The following PTPRD variants were observed in gnomAD, a reference collection of about 807,000 sequenced individuals.
PTPRD encodes protein tyrosine phosphatase receptor type D.
Under a neutral mutation model 214.5 loss-of-function variants are expected in PTPRD, and 34 were observed. The observed-to-expected ratio is 0.16, with a 90% confidence interval of 0.12 to 0.21. PTPRD has a LOEUF of 0.21. Ranked by LOEUF, PTPRD falls within the 10% of genes least tolerant of loss-of-function variation. PTPRD has a pLI of 1.00. For synonymous variants in PTPRD, 1,128 were observed against 845.7 expected, an observed-to-expected ratio of 1.33 and a Z score of -5.79; for missense variants, 2,545 against 2,398.7, an observed-to-expected ratio of 1.06 and a Z score of -1.27.
At chr9:10,534,525 A>C (rs2057281842) in intron 2 of PTPRD, among the ~76,000 whole-genome samples, 1 of 152,104 alleles carries the variant, frequency 6.6e-6, no homozygotes, top group Non-Finnish European at 1.5e-5. Flanking sequence ...AGGTATTTTT[A>C]TAGCCCATTA....
intron 7 of PTPRD, among the ~76,000 whole-genome samples, chr9:9,727,356 A>G (rs1468179688): frequency 1.3e-5 from 2 of 152,096 alleles, no homozygotes; most frequent in South Asian, 2.1e-4. Flanking sequence ...AAGTTGAGGC[A>G]GGAGGATCAC....
intron 30 of PTPRD, among the ~76,000 whole-genome samples, chr9:8,479,980 T>C (rs1411853322): frequency 6.6e-6 from 1 of 152,212 alleles, no homozygotes; most frequent in East Asian, 1.9e-4. Context: ...CAAATTGGGC[T>C]AAAACTTGAT....
At chr9:10,403,227 A>AATAAATATATATAT (rs2098301816) in intron 2 of PTPRD, among the ~76,000 whole-genome samples, 1 of 59,882 alleles carries the variant, frequency 1.7e-5, no homozygotes, top group Non-Finnish European at 3.5e-5. Context: ...TGTGTGTGTA[A>AATAAATATATATAT]ATATATATAT....
intron 9 of PTPRD, among the ~76,000 whole-genome samples, chr9:9,195,304 T>A: frequency 6.6e-6 from 1 of 152,010 alleles, no homozygotes; most frequent in Middle Eastern, 3.2e-3. Context: ...TGAAAACATA[T>A]GTTTGGAAAA....
chr9:9,761,816 T>G (rs2098659926), intron 6 of PTPRD, among the ~76,000 whole-genome samples: 1 of 152,148 alleles, frequency 6.6e-6, no homozygotes, highest in Non-Finnish European at 1.5e-5. Context: ...CTGAACAGAA[T>G]TAGTCCCAAT....
chr9:10,473,704 T>G (rs950415149), intron 2 of PTPRD, among the ~76,000 whole-genome samples: 1 of 152,054 alleles, frequency 6.6e-6, no homozygotes, highest in Non-Finnish European at 1.5e-5. Flanking sequence ...AATAAATAAA[T>G]GAAAGTGTTC....
chr9:9,664,449 C>A (rs903375296), intron 7 of PTPRD, among the ~76,000 whole-genome samples: 7 of 151,558 alleles, frequency 4.6e-5, no homozygotes, highest in East Asian at 1.9e-4. Flanking sequence ...CGTAAGAAAC[C>A]AGATCTGACA....
intron 3 of PTPRD, among the ~76,000 whole-genome samples, chr9:10,238,109 G>T (rs1213581621): frequency 2.0e-5 from 3 of 151,308 alleles, no homozygotes; most frequent in Non-Finnish European, 4.4e-5. Flanking sequence ...CTTCACATGA[G>T]AGAAAGAGTT....
intron 3 of PTPRD, among the ~76,000 whole-genome samples, chr9:10,278,753 G>A (rs183471002): frequency 9.1e-4 from 137 of 150,992 alleles, no homozygotes; most frequent in African/African-American, 3.1e-3. Flanking sequence ...CTTCATGTGT[G>A]GTAAAAGGTT....
At chr9:8,468,089 G>A (rs1306073873) in intron 31 of PTPRD, among the ~76,000 whole-genome samples, 1 of 151,944 alleles carries the variant, frequency 6.6e-6, no homozygotes, top group Non-Finnish European at 1.5e-5. Context: ...TTCTGCTAGG[G>A]TTTCTTTAGA....
chr9:10,489,062 C>T (rs1340219660), intron 2 of PTPRD, among the ~76,000 whole-genome samples: 9 of 152,138 alleles, frequency 5.9e-5, no homozygotes, highest in Non-Finnish European at 5.9e-5. Context: ...TGGGAACGTG[C>T]TGAGCCTCAC....
At chr9:8,535,082 T>C (rs1203436147) in intron 14 of PTPRD, among the ~76,000 whole-genome samples, 1 of 151,850 alleles carries the variant, frequency 6.6e-6, no homozygotes, top group Non-Finnish European at 1.5e-5. Flanking sequence ...AAAGTAATAA[T>C]AGTACCAAGC....
chr9:9,620,423 T>A (rs1032151103), intron 7 of PTPRD, among the ~76,000 whole-genome samples: 35 of 152,308 alleles, frequency 2.3e-4, no homozygotes, highest in African/African-American at 7.9e-4. Flanking sequence ...GGGAGGATTG[T>A]ATTCCATAAC....
At chr9:10,088,322 G>C (rs2098382450) in intron 3 of PTPRD, among the ~76,000 whole-genome samples, 1 of 151,802 alleles carries the variant, frequency 6.6e-6, no homozygotes, top group South Asian at 2.1e-4. Flanking sequence ...TTCCAGCTGT[G>C]CTGAAAGAAC....
chr9:8,739,960 G>A (rs1329753861), intron 11 of PTPRD, among the ~76,000 whole-genome samples: 1 of 152,144 alleles, frequency 6.6e-6, no homozygotes, highest in Non-Finnish European at 1.5e-5. Context: ...GGCGTCCCCA[G>A]CCATGTGGAA....
chr9:9,210,783 T>G (rs189353376), intron 9 of PTPRD, among the ~76,000 whole-genome samples: 1 of 152,230 alleles, frequency 6.6e-6, no homozygotes, highest in East Asian at 1.9e-4. Flanking sequence ...ATTTTTTTTG[T>G]TGTGAACTTA....
chr9:9,534,249 ATC>A (rs1206402531), intron 8 of PTPRD, among the ~76,000 whole-genome samples: 1 of 152,092 alleles, frequency 6.6e-6, no homozygotes, highest in Non-Finnish European at 1.5e-5. Context: ...TATTCTTATG[ATC>A]TGTTTGACAT....
At chr9:9,357,130 T>C (rs140227576) in intron 9 of PTPRD, among the ~76,000 whole-genome samples, 7 of 151,460 alleles carry the variant, frequency 4.6e-5, no homozygotes, top group African/African-American at 1.7e-4. Context: ...GCTTTGGAAT[T>C]AAGAAGTCTC....
At chr9:9,316,028 A>G (rs1186828363) in intron 9 of PTPRD, among the ~76,000 whole-genome samples, 32 of 151,984 alleles carry the variant, frequency 2.1e-4, no homozygotes, top group Admixed American at 2.0e-3. Flanking sequence ...TTTATATCAT[A>G]AAGCTTTATG....
Sources: allele counts gnomAD v4.1 joint callset (sites outside exome capture counted in the v4.1 genomes callset), GRCh38; gene constraint gnomAD v4.1.1; transcripts MANE v1.5; gene names NCBI Gene and HGNC (gene_info 2026-07-23, HGNC 2026-07-21).